Variants in PIGS observed in about 807,000 individuals in gnomAD.
PIGS encodes phosphatidylinositol glycan anchor biosynthesis class S.
Under a neutral mutation model 58.2 loss-of-function variants are expected in PIGS, and 37 were observed. That is an observed-to-expected ratio of 0.64 (90% CI 0.49 to 0.84). PIGS has a LOEUF of 0.84. Ranked by LOEUF, PIGS falls within the 40% of genes least tolerant of loss-of-function variation. The pLI is 0.00. For missense variants in PIGS, 629 were observed against 710.8 expected, an observed-to-expected ratio of 0.88 and a Z score of 1.31; for synonymous variants, 269 against 289.2, an observed-to-expected ratio of 0.93 and a Z score of 0.71.
At chr17:28,569,474 C>CAAAAAAA (rs767305172) in intron 3 of PIGS, among the ~76,000 whole-genome samples, 1 of 66,112 alleles carries the variant, frequency 1.5e-5, no homozygotes, top group Non-Finnish European at 3.1e-5. Flanking sequence ...GACCCTTTCT[C>CAAAAAAA]AAAAAAAAAA....
intron 1 of PIGS, 42 bp from the exon 2 acceptor site, chr17:28,571,230 AGGGT>A: frequency 6.2e-7 from 1 of 1,600,844 alleles, no homozygotes; most frequent in South Asian, 1.1e-5. Context: ...GAAACGGGCT[AGGGT>A]ACCGGCCCCA....
At chr17:28,570,372 G>C (rs1051502497) in intron 3 of PIGS, among the ~76,000 whole-genome samples, 2 of 152,196 alleles carry the variant, frequency 1.3e-5, no homozygotes, top group African/African-American at 4.8e-5. Context: ...TTAGCTGGGC[G>C]TAGTGTCGCG....
intron 3 of PIGS, 131 bp downstream of exon 3, chr17:28,570,721 C>A: frequency 1.2e-6 from 1 of 820,218 alleles, no homozygotes; most frequent in Non-Finnish European, 2.0e-6. Flanking sequence ...TGACCAAACA[C>A]ACTGTTCATT....
chr17:28,556,431 T>C (rs2070328807), intron 9 of PIGS, 165 bp from the exon 10 acceptor site: 1 of 713,152 alleles, frequency 1.4e-6, no homozygotes, highest in Non-Finnish European at 2.5e-6. Flanking sequence ...GAGCATTAAA[T>C]ACATTATCCC....
At chr17:28,569,228 C>T (rs953580679) in intron 3 of PIGS, among the ~76,000 whole-genome samples, 4 of 151,562 alleles carry the variant, frequency 2.6e-5, no homozygotes, top group African/African-American at 9.7e-5. Context: ...GTAATCCCAG[C>T]ACTTTGGGAG....
chr17:28,570,730 T>C (rs2070421847), intron 3 of PIGS, 122 bp downstream of exon 3: 3 of 883,890 alleles, frequency 3.4e-6, no homozygotes, highest in Non-Finnish European at 5.4e-6. Flanking sequence ...ACACTGTTCA[T>C]TCAGAGGTCT....
Position 28,561,493 on chromosome 17 carries a change from G to A in PIGS, c.605C>T (p.Ala202Val). Residue 202 changes from alanine to valine, a missense_variant, in exon 6 of 12, where the codon GCT becomes GTT. Physicochemically the swap from Ala to Val is moderately conservative, Grantham distance 64. Coordinates refer to ENST00000308360, the MANE Select transcript of PIGS (RefSeq NM_033198.4). ...CTCTGGAAGGTGGTCAGCCAGAGCA[G>A]CAGCAAGCACATCCTCAGTCAAAGA... ...AMSLTEDVLAAALADHLPEDK... is the reference protein window; with the variant it reads ...AMSLTEDVLAVALADHLPEDK... 2 of 1,614,084 alleles carry A rather than the reference G, an allele frequency of 1.2e-6. No homozygotes were observed. The highest frequency in any genetic ancestry group is 1.7e-6 in the Non-Finnish European group (2 of 1,179,976).
chr17:28,559,401 A>G (rs2070349364), intron 7 of PIGS, among the ~76,000 whole-genome samples: 1 of 151,086 alleles, frequency 6.6e-6, no homozygotes, highest in African/African-American at 2.4e-5. Context: ...TTGGGAGGCC[A>G]AGGCAGGTGG....
intron 8 of PIGS, among the ~76,000 whole-genome samples, chr17:28,557,929 G>T (rs1317289509): frequency 6.6e-6 from 1 of 152,164 alleles, no homozygotes; most frequent in African/African-American, 2.4e-5. Flanking sequence ...TCATTCATTT[G>T]TAAAAAGTGC....
chr17:28,571,411 T>G, intron 1 of PIGS, 52 bp downstream of exon 1: 2 of 1,599,006 alleles, frequency 1.3e-6, no homozygotes, highest in Non-Finnish European at 1.7e-6. Flanking sequence ...CCCCTGCTAT[T>G]CCTCCCTTGC....
chr17:28,564,574 G>A (rs912807880), intron 3 of PIGS, among the ~76,000 whole-genome samples: 2 of 152,092 alleles, frequency 1.3e-5, no homozygotes, highest in East Asian at 1.9e-4. Context: ...AATTAGCTGG[G>A]TGTGGTGGCA....
At chr17:28,557,378 A>G (rs1323281300) in intron 8 of PIGS, 1 of 194,024 alleles carries the variant, frequency 5.2e-6, no homozygotes. Flanking sequence ...ACTCCTTAAC[A>G]TGGTCCTTTA....
intron 9 of PIGS, chr17:28,556,570 G>A: frequency 1.4e-6 from 1 of 711,804 alleles, no homozygotes; most frequent in South Asian, 1.5e-5. Context: ...CCACAAATAA[G>A]GCGAAGATCT....
chr17:28,556,443 A>G, intron 9 of PIGS, 177 bp from the exon 10 acceptor site: 4 of 708,580 alleles, frequency 5.6e-6, no homozygotes, highest in Non-Finnish European at 1.0e-5. Flanking sequence ...CATTATCCCA[A>G]TTACCCCCTT....
At chr17:28,568,946 A>C (rs2070410015) in intron 3 of PIGS, among the ~76,000 whole-genome samples, 1 of 151,614 alleles carries the variant, frequency 6.6e-6, no homozygotes, top group Admixed American at 6.6e-5. Flanking sequence ...AAATGCAAAA[A>C]ATTAGCTGGG....
At position 28,570,784 on chromosome 17, in the gene PIGS, C is replaced by T. The variant is rs146371844; in HGVS notation, c.286+68G>A. On this transcript the variant is annotated intron_variant, in intron 3 of 11. Transcript: ENST00000308360. ...ACTGCGTTTATGGTACACCCCCGCT[C>T]CTCCCACCCAACTCAGCTCTGAACT... The T allele has an allele frequency of 6.1e-5, 91 of 1,479,962 alleles. No individual in the cohort carries two copies. The African/African-American group carries it at 8.4e-4, about 14-fold the overall frequency. 91.7% of individuals were successfully genotyped at this position (1,479,962 alleles called of 1,614,324 possible).
chr17:28,560,500 C>T (rs531006289), intron 6 of PIGS, among the ~76,000 whole-genome samples: 1 of 151,950 alleles, frequency 6.6e-6, no homozygotes, highest in South Asian at 2.1e-4. Context: ...AAATATCGGC[C>T]GGGTGTGGTG....
chr17:28,558,337 C>CA, intron 8 of PIGS, 139 bp downstream of exon 8: 1 of 689,450 alleles, frequency 1.5e-6, no homozygotes. Context: ...TCAATCTCCA[C>CA]AGTCTCCTCG....
chr17:28,557,018 G>C (rs2151511878), intron 8 of PIGS, 46 bp from the exon 9 acceptor site: 3 of 1,610,824 alleles, frequency 1.9e-6, no homozygotes, highest in Middle Eastern at 1.7e-4. Flanking sequence ...GCTGGACCTG[G>C]ACCTTAGTCC....
Sources: gnomAD v4.1 joint callset for allele counts (sites outside exome capture counted in the v4.1 genomes callset) on GRCh38, gnomAD v4.1.1 for gene constraint, MANE v1.5 for transcripts, NCBI Gene and HGNC (gene_info 2026-07-23, HGNC 2026-07-21) for gene names.